Variants in GLIS3 observed in about 807,000 individuals in gnomAD.
The protein encoded by GLIS3 is GLIS family zinc finger 3.
Under a neutral mutation model 78.6 loss-of-function variants are expected in GLIS3, and 53 were observed. The observed-to-expected ratio is 0.67, with a 90% CI of 0.54 to 0.85. The LOEUF (loss-of-function observed/expected upper bound fraction) is 0.85, where lower values mean the gene tolerates loss of function less well. Ranked by LOEUF, GLIS3 falls within the 40% of genes least tolerant of loss-of-function variation. The pLI, the probability that GLIS3 is intolerant of heterozygous loss-of-function variation, is 0.00. For missense variants in GLIS3, 1,703 were observed against 1,231.1 expected, an observed-to-expected ratio of 1.38 and a Z score of -5.74; for synonymous variants, 684 against 509.9, an observed-to-expected ratio of 1.34 and a Z score of -4.60.
At position 4,300,027 on chromosome 9, in the gene GLIS3, G is replaced by C. The variant is rs1043443074; in HGVS notation, c.-705C>G. 2.0e-5 allele frequency: 3 copies of C among 152,540 alleles called. No individual in the cohort carries two copies. Among genetic ancestry groups the C allele is most frequent in the African/African-American group, 4.8e-5 (2 of 41,544 alleles). 9.4% of individuals were successfully genotyped at this position (152,540 alleles called of 1,614,324 possible). On this transcript the variant is annotated 5_prime_UTR_variant, in exon 1 of 11. Transcript: ENST00000381971. Reference sequence around the variant, plus strand: ...TGCAGGGAGAGGGGAAGGGGGAAGAGGGAGGGAGGAAGGCAGCCGGGCGAG... The same window carrying C: ...TGCAGGGAGAGGGGAAGGGGGAAGACGGAGGGAGGAAGGCAGCCGGGCGAG...
chr9:3,837,535 G>A (rs962002810), intron 9 of GLIS3, among the ~76,000 whole-genome samples: 3 of 152,272 alleles, frequency 2.0e-5, no homozygotes, highest in Admixed American at 1.3e-4. Flanking sequence ...CCTTCAGTAG[G>A]CAAACGAATA....
In GLIS3 at chr9:3,826,405, A is replaced by T. The variant is rs945111426; in HGVS notation, c.*1867T>A. 3 of 152,214 alleles carry T rather than the reference A, an allele frequency of 2.0e-5. No homozygotes were observed. Among genetic ancestry groups the T allele is most frequent in the African/African-American group, 7.2e-5 (3 of 41,440 alleles). 9.4% of individuals were successfully genotyped at this position (152,214 alleles called of 1,614,324 possible). ...TCTGCAGGAAGGGTGGTACTTTACA[A>T]GCAGCCTTGGAGTTCACTTGTAAAG... On this transcript the variant is annotated 3_prime_UTR_variant, in exon 11 of 11. Coordinates refer to ENST00000381971, the MANE Select transcript of GLIS3 (RefSeq NM_001042413.2).
rs1832524240 is a variant in GLIS3, at chr9:4,125,726, C to T, written c.596+8G>A. ...TAAAGAAAGGGGAAAAAAAAGTTAA[C>T]TTGAGACCTGGTATCTGAAGGAGGT... On this transcript the variant is annotated splice_region_variant and intron_variant, in intron 3 of 10. Transcript: ENST00000381971. 1 of 1,610,834 alleles carries T rather than the reference C, an allele frequency of 6.2e-7. No individual in the cohort carries two copies. The highest frequency in any genetic ancestry group is 8.5e-7 in the Non-Finnish European group (1 of 1,178,190).
chr9:4,309,270 A>C (rs1223098046), intron 3 of GLIS3, among the ~76,000 whole-genome samples: 3 of 152,250 alleles, frequency 2.0e-5, no homozygotes, highest in Non-Finnish European at 4.4e-5. Flanking sequence ...TAAGTGAACA[A>C]AGAAAAAGCA....
At chr9:4,217,875 C>G (rs933592206) in intron 2 of GLIS3, among the ~76,000 whole-genome samples, 1 of 152,184 alleles carries the variant, frequency 6.6e-6, no homozygotes, top group African/African-American at 2.4e-5. Context: ...AATAAAACAA[C>G]CAACAGACAA....
intron 4 of GLIS3, among the ~76,000 whole-genome samples, chr9:3,961,555 A>T (rs906137865): frequency 1.3e-5 from 2 of 152,176 alleles, no homozygotes; most frequent in African/African-American, 4.8e-5. Flanking sequence ...CTATTCCAAA[A>T]TCAAGGTTGC....
At chr9:4,167,607 T>A (rs1815979412) in intron 2 of GLIS3, among the ~76,000 whole-genome samples, 1 of 152,160 alleles carries the variant, frequency 6.6e-6, no homozygotes, top group Non-Finnish European at 1.5e-5. Context: ...ATTTTCCTGG[T>A]ACATAAAGTG....
At chr9:4,344,844 T>C (rs375464220) in intron 2 of GLIS3, among the ~76,000 whole-genome samples, 19 of 152,222 alleles carry the variant, frequency 1.2e-4, no homozygotes, top group East Asian at 3.8e-4. Flanking sequence ...GCTCTCTTCC[T>C]TTCAGATTGC....
intron 2 of GLIS3, among the ~76,000 whole-genome samples, chr9:4,196,382 G>T (rs60176670): frequency 6.6e-6 from 1 of 152,242 alleles, no homozygotes; most frequent in Admixed American, 6.5e-5. Context: ...CCAGCCAGCA[G>T]TGGCAACCGG....
In GLIS3 at chr9:3,960,040, T is replaced by C. The variant is rs186015501; in HGVS notation, c.1711-22851A>G. Among the ~76,000 whole-genome samples the C allele has an allele frequency of 2.4e-3, 358 of 152,238 alleles. 3 individuals carry two copies. The highest frequency in any genetic ancestry group is 8.4e-3 in the African/African-American group (349 of 41,560). On this transcript the variant is annotated intron_variant, in intron 4 of 10. Transcript: ENST00000381971. ...GGTGGTGTGCACCTGTAATCTCAGT[T>C]GCAGAAGAATTGCTTGAACCGAGGA...
chr9:4,309,361 C>A (rs1403054255), intron 3 of GLIS3, among the ~76,000 whole-genome samples: 1 of 152,146 alleles, frequency 6.6e-6, no homozygotes, highest in African/African-American at 2.4e-5. Context: ...AAAAACAAGT[C>A]ATTTAAACAA....
At chr9:4,132,819 C>A (rs578095273) in intron 2 of GLIS3, among the ~76,000 whole-genome samples, 1 of 152,150 alleles carries the variant, frequency 6.6e-6, no homozygotes, top group African/African-American at 2.4e-5. Flanking sequence ...CAAGGTGTTA[C>A]AGAAACAGAA....
chr9:4,393,218 C>A, the GLIS3 span, among the ~76,000 whole-genome samples: 9 of 152,240 alleles, frequency 5.9e-5, no homozygotes, highest in South Asian at 1.5e-3. Flanking sequence ...ACCTGTATGT[C>A]TCTCTCTACA....
At chr9:4,487,826 T>C in the GLIS3 span, among the ~76,000 whole-genome samples, 2 of 152,220 alleles carry the variant, frequency 1.3e-5, no homozygotes, top group Non-Finnish European at 2.9e-5. Flanking sequence ...TAGCAGAGAC[T>C]ACAGGCATGT....
the GLIS3 span, among the ~76,000 whole-genome samples, chr9:4,480,051 G>A: frequency 4.6e-5 from 7 of 151,544 alleles, no homozygotes; most frequent in African/African-American, 1.2e-4. Flanking sequence ...CGTGAGCCAC[G>A]GCGCCTGGCC....
the GLIS3 span, among the ~76,000 whole-genome samples, chr9:4,457,152 C>CAGGAGTTTGAGACCAGCTG: frequency 6.6e-6 from 1 of 151,942 alleles, no homozygotes; most frequent in Admixed American, 6.6e-5. Context: ...TGCTTGAGGC[C>CAGGAGTTTGAGACCAGCTG]AGGAGTTTGA....
chr9:3,879,664 C>A (rs1563806568), intron 7 of GLIS3, 69 bp from the exon 8 acceptor site: 2 of 1,537,228 alleles, frequency 1.3e-6, no homozygotes, highest in Admixed American at 1.8e-5. Context: ...AATACCGAAG[C>A]CTGACAGCAA....
intron 2 of GLIS3, among the ~76,000 whole-genome samples, chr9:4,207,090 C>CGTAG (rs1299322186): frequency 1.3e-5 from 2 of 152,320 alleles, no homozygotes; most frequent in East Asian, 3.9e-4. Context: ...ACACATTCAT[C>CGTAG]CCTACCTCTG....
intron 4 of GLIS3, among the ~76,000 whole-genome samples, chr9:4,087,655 G>T (rs1343619209): frequency 3.3e-5 from 5 of 152,178 alleles, no homozygotes; most frequent in Non-Finnish European, 7.4e-5. Flanking sequence ...AAAAACAACA[G>T]ATTTAAGGGG....
Sources: allele counts gnomAD v4.1 joint callset (sites outside exome capture counted in the v4.1 genomes callset), GRCh38; gene constraint gnomAD v4.1.1; transcripts MANE v1.5; gene names NCBI Gene and HGNC (gene_info 2026-07-23, HGNC 2026-07-21).